EPHB6: variants seen among roughly 807,000 people sequenced by gnomAD.
EPHB6 encodes the protein EPH receptor B6.
A neutral mutation model predicts 107.0 loss-of-function variants in EPHB6; 51 were observed. The observed-to-expected ratio is 0.48, with a 90% confidence interval of 0.38 to 0.60. The LOEUF is 0.60. Among genes scored for constraint, EPHB6 ranks in the 20% least tolerant of loss-of-function variants. The pLI, the probability that EPHB6 is intolerant of heterozygous loss-of-function variation, is 0.00. For missense variants in EPHB6, 1,141 were observed against 1,355.5 expected (o/e 0.84, Z 2.48); for synonymous variants, 553 against 549.0 (o/e 1.01, Z -0.10).
In EPHB6 at chr7:142,869,910, A is replaced by C; in HGVS notation, c.2554A>C (p.Met852Leu). 6.2e-7 allele frequency: 1 copy of C among 1,614,172 alleles called. No individual in the cohort carries two copies. The highest frequency in any genetic ancestry group is 8.5e-7 in the Non-Finnish European group (1 of 1,180,022). Residue 852 changes from methionine (M) to leucine (L), a missense_variant, in exon 17 of 20, where the codon ATG becomes CTG. Transcript: ENST00000652003. The surrounding 1 kb of genome is among the most constrained non-coding windows in gnomAD (Gnocchi z 4.5). ...SSDVWSFGILMWEVMSYGERP... is the reference protein window; with the variant it reads ...SSDVWSFGILLWEVMSYGERP... The stretch of plus-strand genomic sequence containing the variant: ...TGATGTCTGGAGCTTTGGGATACTC[A>C]TGTGGGAAGTGATGAGTTATGGAGA...
Position 142,863,334 on chromosome 7 carries a change from G to GTCT in EPHB6, c.100+7_100+8insTCT. On this transcript the variant is annotated splice_region_variant and intron_variant, in intron 5 of 19. Transcript: ENST00000652003. ...TCAGTTCTGGCTCTGGAAGGTAAGAGGGAGGGGAGACAGGAGAACCCAGAC... is the reference window on the plus strand; with the variant it reads ...TCAGTTCTGGCTCTGGAAGGTAAGAGTCTGGAGGGGAGACAGGAGAACCCAGAC... 6.2e-7 allele frequency: 1 copy of GTCT among 1,613,744 alleles called. No homozygotes were observed. The highest frequency in any genetic ancestry group is 8.5e-7 in the Non-Finnish European group (1 of 1,179,684).
chr7:142,866,843 C>G lies in EPHB6; in HGVS notation c.1588-63C>G. 3 of 1,612,734 alleles carry G rather than the reference C, an allele frequency of 1.9e-6. No homozygotes were observed. The highest frequency in any genetic ancestry group is 2.5e-6 in the Non-Finnish European group (3 of 1,179,064). On this transcript the variant is annotated intron_variant, in intron 10 of 19. Transcript: ENST00000652003. The surrounding 1 kb of genome is among the most constrained non-coding windows in gnomAD (Gnocchi z 5.2). ...GTCAACCAGGGAGGGTGGCTGGGGG[C>G]CTTAGGGGCAGAAGCAGGGGCAAGA...
At position 142,868,362 on chromosome 7, in the gene EPHB6, T is replaced by A. The variant is rs1276348629; in HGVS notation, c.2038+2T>A. On this transcript the variant is annotated splice_donor_variant, in intron 14 of 19. Transcript: ENST00000652003. LOFTEE classifies it high-confidence loss of function. This position sits in a 1 kb window ranked among gnomAD's most constrained non-coding sequence, Gnocchi z 4.2. ...AGATTGAGGAGGTCATTGGGACAGG[T>A]ACAGCAGGGCCAAAGCAGGGATCAG... 1 of 1,614,004 alleles carries A rather than the reference T, an allele frequency of 6.2e-7. No individual in the cohort carries two copies. The highest frequency in any genetic ancestry group is 8.5e-7 in the Non-Finnish European group (1 of 1,179,966).
Position 142,862,037 on chromosome 7 carries a change from A to G in EPHB6, c.-276A>G, listed in dbSNP as rs988448146. 1.3e-5 allele frequency: 2 copies of G among 152,260 alleles called. No individual in the cohort carries two copies. The highest frequency in any genetic ancestry group is 2.9e-5 in the Non-Finnish European group (2 of 68,056). The allele number at this position is 152,260 out of a possible 1,614,324, so 9.4% of individuals were successfully genotyped here. A position where few individuals can be genotyped will look rare whatever the true frequency, so the allele number is the denominator to read the frequency against. ...CACAGTCTAGATGCTGGGAAGTCCA[A>G]GATCAGGGTGCCGGCATGGTCAGTT... On this transcript the variant is annotated 5_prime_UTR_variant, in exon 3 of 20. Transcript: ENST00000652003.
chr7:142,863,471 C>G, intron 5 of EPHB6, 144 bp downstream of exon 5: 2 of 1,167,840 alleles, frequency 1.7e-6, no homozygotes, highest in Non-Finnish European at 2.6e-6. Flanking sequence ...AGACCCACAT[C>G]AGATTTGTCA....
chr7:142,869,152 G>C lies in EPHB6; in HGVS notation c.2460+5G>C. On this transcript the variant is annotated splice_donor_5th_base_variant and intron_variant, in intron 16 of 19. Coordinates refer to ENST00000652003, the MANE Select transcript of EPHB6 (RefSeq NM_004445.6). This position sits in a 1 kb window ranked among gnomAD's most constrained non-coding sequence, Gnocchi z 4.5. ...CGTCTTGGCCACAGTCCTCAGGTGA[G>C]AGCACAGCCTTGGGGACACAGCCTG... is the stretch of plus-strand genomic sequence containing the variant. 6.2e-7 allele frequency: 1 copy of C among 1,612,012 alleles called. No individual in the cohort carries two copies. The highest frequency in any genetic ancestry group is 1.1e-5 in the South Asian group (1 of 91,066).
At position 142,866,209 on chromosome 7, in the gene EPHB6, G is replaced by A. The variant is rs1279751292; in HGVS notation, c.1355G>A (p.Arg452Gln). 1.2e-5 allele frequency: 20 copies of A among 1,613,946 alleles called. No homozygotes were observed. Among genetic ancestry groups the A allele is most frequent in the Middle Eastern group, 1.6e-4 (1 of 6,084 alleles). ...TESRVLVGGL[R>Q]AHVPYILEVQ... ...AGCCGAGTGTTAGTGGGGGGACTCC[G>A]GGCACACGTACCCTACATCTTAGAG... Residue 452 changes from arginine (R) to glutamine (Q), a missense_variant, in exon 9 of 20, where the codon CGG becomes CAG. Arg to Gln is a conservative substitution (Grantham distance 43). This residue lies in a region of EPHB6 where 616 missense variants were observed against 759.3 expected (regional missense o/e 0.81). Coordinates refer to ENST00000652003, the MANE Select transcript of EPHB6 (RefSeq NM_004445.6). This position sits in a 1 kb window ranked among gnomAD's most constrained non-coding sequence, Gnocchi z 5.2.
rs778685202 is a variant in EPHB6, at chr7:142,868,390, C to T, written c.2038+30C>T. On this transcript the variant is annotated intron_variant, in intron 14 of 19. Transcript: ENST00000652003. The surrounding 1 kb of genome is among the most constrained non-coding windows in gnomAD (Gnocchi z 4.2). ...AGCAGGGCCAAAGCAGGGATCAGAGCGACGGGGCTCCCTTGTGGCCTCCGC... is the reference window on the plus strand; with the variant it reads ...AGCAGGGCCAAAGCAGGGATCAGAGTGACGGGGCTCCCTTGTGGCCTCCGC... The T allele has an allele frequency of 1.1e-5, 17 of 1,613,824 alleles. No homozygotes were observed. The highest frequency in any genetic ancestry group is 2.7e-5 in the African/African-American group (2 of 74,892).
At position 142,863,614 on chromosome 7, in the gene EPHB6, C is replaced by T. The variant is rs755808959; in HGVS notation, c.101-17C>T. ...CTGGAGGCTTGGCCACTGTGTGCCCCTCTTATTTCTGGGCAGAGGTATTGC... is the reference window on the plus strand; with the variant it reads ...CTGGAGGCTTGGCCACTGTGTGCCCTTCTTATTTCTGGGCAGAGGTATTGC... On this transcript the variant is annotated splice_polypyrimidine_tract_variant and intron_variant, in intron 5 of 19. Coordinates refer to ENST00000652003, the MANE Select transcript of EPHB6 (RefSeq NM_004445.6). 3 of 1,613,454 alleles carry T rather than the reference C, an allele frequency of 1.9e-6. No homozygotes were observed. The highest frequency in any genetic ancestry group is 2.5e-6 in the Non-Finnish European group (3 of 1,179,914).
chr7:142,867,572 C>T lies in EPHB6; in HGVS notation c.1751-36C>T, dbSNP rs1477935297. On this transcript the variant is annotated intron_variant, in intron 11 of 19. Coordinates refer to ENST00000652003, the MANE Select transcript of EPHB6 (RefSeq NM_004445.6). The surrounding 1 kb of genome is among the most constrained non-coding windows in gnomAD (Gnocchi z 5.3). Reference sequence around the variant, plus strand: ...ACATGAACAAGCACCTGTGAGAGACCTGGCCCACCTGTGACCCTGTCGGCT... The same window carrying T: ...ACATGAACAAGCACCTGTGAGAGACTTGGCCCACCTGTGACCCTGTCGGCT... The T allele has an allele frequency of 6.4e-7, 1 of 1,573,116 alleles. No homozygotes were observed. The highest frequency in any genetic ancestry group is 8.7e-7 in the Non-Finnish European group (1 of 1,152,204).
Position 142,863,946 on chromosome 7 carries a change from T to C in EPHB6, c.166-20T>C, listed in dbSNP as rs1357544038. On this transcript the variant is annotated intron_variant, in intron 6 of 19. Coordinates refer to ENST00000652003, the MANE Select transcript of EPHB6 (RefSeq NM_004445.6). ...GCTTAAGCCCGGAGCCCCTAAAGCT[T>C]CTCCTGGCCCTTCCTGCAGTGGGAC... 4 of 1,614,158 alleles carry C rather than the reference T, an allele frequency of 2.5e-6. No homozygotes were observed. The highest frequency in any genetic ancestry group is 3.3e-5 in the Admixed American group (2 of 60,022).
chr7:142,862,427 C>A (rs6950397), intron 3 of EPHB6, among the ~76,000 whole-genome samples: 10,360 of 152,250 alleles, frequency 0.068, 728 homozygotes, highest in African/African-American at 0.18. Context: ...AAAACATGCA[C>A]CCCTTGGGGC....
chr7:142,869,028 G>T lies in EPHB6; in HGVS notation c.2341G>T (p.Ala781Ser). ...LQLVAMQRGV[A>S]AAMQYLSSFA... ...GCTGGTGGCCATGCAGCGGGGAGTGGCTGCTGCCATGCAGTACCTGTCCAG... is the reference window on the plus strand; with the variant it reads ...GCTGGTGGCCATGCAGCGGGGAGTGTCTGCTGCCATGCAGTACCTGTCCAG... Residue 781 changes from alanine to serine, a missense_variant, in exon 16 of 20, where the codon GCT becomes TCT. By Grantham distance (99) the Ala-to-Ser change is moderately conservative. Coordinates refer to ENST00000652003, the MANE Select transcript of EPHB6 (RefSeq NM_004445.6). This position sits in a 1 kb window ranked among gnomAD's most constrained non-coding sequence, Gnocchi z 4.5. The T allele has an allele frequency of 6.2e-7, 1 of 1,612,384 alleles. No homozygotes were observed. The highest frequency in any genetic ancestry group is 8.5e-7 in the Non-Finnish European group (1 of 1,179,932).
intron 5 of EPHB6, 122 bp downstream of exon 5, chr7:142,863,449 T>G: frequency 1.7e-6 from 2 of 1,189,432 alleles, no homozygotes; most frequent in Non-Finnish European, 2.5e-6. Context: ...AAAGGCATGG[T>G]GAGGATAATG....
rs775100730 is a variant in EPHB6 at position 142,866,173 on chromosome 7, GCCTGA to G, written c.1321_1325del (p.Leu441Ter). 6.2e-7 allele frequency: 1 copy of G among 1,614,108 alleles called. No individual in the cohort carries two copies. Among genetic ancestry groups the G allele is most frequent in the Non-Finnish European group, 8.5e-7 (1 of 1,180,024 alleles). ...GTCCACTTCGACCCTCGCCAGAGAGGCCTGACTGAGAGCCGAGTGTTAGTGGGGGG... is the reference window on the plus strand; with the variant it reads ...GTCCACTTCGACCCTCGCCAGAGAGGCTGAGAGCCGAGTGTTAGTGGGGGG... On this transcript the variant is annotated frameshift_variant, in exon 9 of 20. Transcript: ENST00000652003. LOFTEE classifies it high-confidence loss of function. The surrounding 1 kb of genome is among the most constrained non-coding windows in gnomAD (Gnocchi z 5.2).
At chr7:142,862,440 G>A (rs928027033) in intron 3 of EPHB6, among the ~76,000 whole-genome samples, 11 of 152,200 alleles carry the variant, frequency 7.2e-5, no homozygotes, top group African/African-American at 1.9e-4. Flanking sequence ...CTTGGGGCAC[G>A]AGGATCTTTG....
chr7:142,867,970 A>G lies in EPHB6; in HGVS notation c.1866-27A>G. On this transcript the variant is annotated intron_variant, in intron 12 of 19. Transcript: ENST00000652003. The surrounding 1 kb of genome is among the most constrained non-coding windows in gnomAD (Gnocchi z 5.3). ...GCAAGGGGGTGGAAATGGGAGCGTC[A>G]TCCCCAGTCACCGTTTTGTTCCTCA... 1 of 1,559,838 alleles carries G rather than the reference A, an allele frequency of 6.4e-7. No individual in the cohort carries two copies. Among genetic ancestry groups the G allele is most frequent in the Non-Finnish European group, 8.7e-7 (1 of 1,152,280 alleles).
At position 142,868,114 on chromosome 7, in the gene EPHB6, G is replaced by C; in HGVS notation, c.1918+65G>C. On this transcript the variant is annotated intron_variant, in intron 13 of 19. Transcript: ENST00000652003. The surrounding 1 kb of genome is among the most constrained non-coding windows in gnomAD (Gnocchi z 4.2). The stretch of plus-strand genomic sequence containing the variant: ...CATGGGTGGGGCACATGGCAGGCAA[G>C]GCTGGATCCCCCCAAGATTGGGGGA... 1 of 1,613,842 alleles carries C rather than the reference G, an allele frequency of 6.2e-7. No homozygotes were observed. The highest frequency in any genetic ancestry group is 8.5e-7 in the Non-Finnish European group (1 of 1,179,802).
intron 1 of EPHB6, among the ~76,000 whole-genome samples, chr7:142,856,735 G>A (rs1158897072): frequency 6.6e-6 from 1 of 152,108 alleles, no homozygotes; most frequent in Non-Finnish European, 1.5e-5. Context: ...ACCTCCTGGG[G>A]CCAAGAGCAA....
Sources: allele counts gnomAD v4.1 joint callset (sites outside exome capture counted in the v4.1 genomes callset), GRCh38; gene constraint gnomAD v4.1.1; regional missense constraint gnomAD v4.1.1; non-coding constraint Gnocchi (gnomAD v3.1); transcripts MANE v1.5; gene names NCBI Gene and HGNC (gene_info 2026-07-23, HGNC 2026-07-21).